The following BICC1 variants were observed in gnomAD, a reference collection of about 807,000 sequenced individuals.
BICC1 encodes protein bicaudal C homolog 1.
A neutral mutation model predicts 111.0 loss-of-function variants in BICC1; 43 were observed. The ratio of observed to expected loss-of-function variants is 0.39; its 90% CI spans 0.30 to 0.50. The LOEUF is 0.50. Among genes scored for constraint, BICC1 ranks in the 20% least tolerant of loss-of-function variants. BICC1 has a pLI of 0.88. For missense variants in BICC1, 1,091 were observed against 1,203.2 expected (o/e 0.91, Z 1.38); for synonymous variants, 467 against 434.4 (o/e 1.07, Z -0.93).
chr10:58,616,568 A>G (rs1487011014), intron 1 of BICC1, among the ~76,000 whole-genome samples: 2 of 152,196 alleles, frequency 1.3e-5, no homozygotes, highest in Admixed American at 6.5e-5. Context: ...ACTGGAGGCC[A>G]CATGTGGAGT....
At chr10:58,813,078 T>C (rs1843962521) in intron 17 of BICC1, among the ~76,000 whole-genome samples, 7 of 152,142 alleles carry the variant, frequency 4.6e-5, no homozygotes. Context: ...AAGATTGAAT[T>C]AAGTAAGTTT....
intron 1 of BICC1, among the ~76,000 whole-genome samples, chr10:58,562,762 T>TC (rs1843644378): frequency 6.6e-6 from 1 of 151,712 alleles, no homozygotes; most frequent in Non-Finnish European, 1.5e-5. Flanking sequence ...ATTTTTTTTT[T>TC]CTGTTTATGT....
At chr10:58,597,877 G>A (rs980189751) in intron 1 of BICC1, among the ~76,000 whole-genome samples, 6 of 151,930 alleles carry the variant, frequency 3.9e-5, no homozygotes, top group South Asian at 2.1e-4. Context: ...CCTAACAATC[G>A]CTGTTATTCT....
chr10:58,785,800 G>C (rs1842995171), intron 4 of BICC1, among the ~76,000 whole-genome samples: 1 of 152,182 alleles, frequency 6.6e-6, no homozygotes. Context: ...AGCCGGTTAA[G>C]TGGAGAGGTG....
rs4561154 is a variant in BICC1, at chr10:58,582,769, C to T, written c.191-38086C>T. 9.7e-3 allele frequency among the ~76,000 whole-genome samples: 1,477 copies of T among 152,194 alleles called. 22 individuals carry two copies. The highest frequency in any genetic ancestry group is 0.034 in the African/African-American group (1,417 of 41,516). ...CACCTGCATCCCTTGGCTTGTGGCTCCTTCCTCCATTTTTAAAGCCAGCAG... is the reference window on the plus strand; with the variant it reads ...CACCTGCATCCCTTGGCTTGTGGCTTCTTCCTCCATTTTTAAAGCCAGCAG... On this transcript the variant is annotated intron_variant, in intron 1 of 20. Coordinates refer to ENST00000373886, the MANE Select transcript of BICC1 (RefSeq NM_001080512.3).
intron 3 of BICC1, among the ~76,000 whole-genome samples, chr10:58,722,840 TG>T (rs749760516): frequency 3.9e-5 from 6 of 152,156 alleles, no homozygotes; most frequent in Admixed American, 6.5e-5. Context: ...CTTATTTGAG[TG>T]AGCTTCTAGA....
intron 1 of BICC1, among the ~76,000 whole-genome samples, chr10:58,534,295 G>A (rs1842768247): frequency 6.6e-6 from 1 of 151,484 alleles, no homozygotes; most frequent in African/African-American, 2.4e-5. Flanking sequence ...AAGCAACATA[G>A]GAACTAAACA....
chr10:58,759,173 T>C (rs2132673620), intron 3 of BICC1, among the ~76,000 whole-genome samples: 1 of 152,166 alleles, frequency 6.6e-6, no homozygotes, highest in South Asian at 2.1e-4. Flanking sequence ...TTGGCCAGGC[T>C]GGTCTCGAAC....
At chr10:58,581,017 G>C (rs77857555) in intron 1 of BICC1, among the ~76,000 whole-genome samples, 18 of 152,220 alleles carry the variant, frequency 1.2e-4, no homozygotes, top group African/African-American at 4.3e-4. Flanking sequence ...ATTTGTGTGT[G>C]AAAACTTACT....
intron 3 of BICC1, among the ~76,000 whole-genome samples, chr10:58,781,295 C>T (rs1842878204): frequency 6.6e-6 from 1 of 152,152 alleles, no homozygotes; most frequent in Non-Finnish European, 1.5e-5. Context: ...TTTCTATAGA[C>T]TTCCATCTCC....
chr10:58,754,983 A>G (rs953115915), intron 3 of BICC1, among the ~76,000 whole-genome samples: 1 of 152,188 alleles, frequency 6.6e-6, no homozygotes. Flanking sequence ...GATGAGTTAC[A>G]GTATGTATTG....
At chr10:58,795,132 CG>C (rs1843311695) in intron 9 of BICC1, among the ~76,000 whole-genome samples, 3 of 151,732 alleles carry the variant, frequency 2.0e-5, no homozygotes, top group African/African-American at 7.3e-5. Flanking sequence ...AACAAAAATC[CG>C]AAATAAGAAA....
At chr10:58,576,501 G>A (rs376140644) in intron 1 of BICC1, among the ~76,000 whole-genome samples, 2 of 152,158 alleles carry the variant, frequency 1.3e-5, no homozygotes, top group South Asian at 2.1e-4. Context: ...ACTTTGAATA[G>A]CACTGATGCC....
intron 2 of BICC1, among the ~76,000 whole-genome samples, chr10:58,638,138 T>C (rs1838007233): frequency 6.6e-6 from 1 of 152,114 alleles, no homozygotes; most frequent in Non-Finnish European, 1.5e-5. Context: ...CTTTTAAGTC[T>C]AGGTGGTAAG....
chr10:58,615,002 G>A (rs928302482), intron 1 of BICC1, among the ~76,000 whole-genome samples: 7 of 151,834 alleles, frequency 4.6e-5, no homozygotes, highest in Non-Finnish European at 7.4e-5. Flanking sequence ...CCATGTGAAA[G>A]TGGGTATCAT....
chr10:58,546,815 C>T (rs1223132896), intron 1 of BICC1, among the ~76,000 whole-genome samples: 1 of 151,920 alleles, frequency 6.6e-6, no homozygotes, highest in East Asian at 1.9e-4. Flanking sequence ...TTTTGCAATC[C>T]AGAGGATATT....
intron 1 of BICC1, among the ~76,000 whole-genome samples, chr10:58,514,084 A>G (rs1397830519): frequency 6.6e-6 from 1 of 152,254 alleles, no homozygotes; most frequent in East Asian, 1.9e-4. Context: ...GGACTTTCCC[A>G]GGTAGAAAAT....
At chr10:58,670,574 G>C (rs749856889) in intron 2 of BICC1, among the ~76,000 whole-genome samples, 5 of 152,158 alleles carry the variant, frequency 3.3e-5, no homozygotes, top group Non-Finnish European at 7.4e-5. Context: ...GGGACAGGCA[G>C]TGGTCAAGGA....
At chr10:58,684,454 C>T (rs1839645131) in intron 2 of BICC1, among the ~76,000 whole-genome samples, 1 of 152,102 alleles carries the variant, frequency 6.6e-6, no homozygotes, top group Non-Finnish European at 1.5e-5. Flanking sequence ...GGAATGGTAC[C>T]AGCTCCTCTT....
Sources: gnomAD v4.1 joint callset for allele counts (sites outside exome capture counted in the v4.1 genomes callset) on GRCh38, gnomAD v4.1.1 for gene constraint, MANE v1.5 for transcripts, NCBI Gene and HGNC (gene_info 2026-07-23, HGNC 2026-07-21) for gene names.